MTARC2: variants seen among roughly 807,000 people sequenced by gnomAD.
MTARC2 encodes the protein mitochondrial amidoxime reducing component 2.
In MTARC2, 27 loss-of-function variants were observed where a neutral mutation model predicts 35.6. The ratio of observed to expected loss-of-function variants is 0.76; its 90% CI spans 0.56 to 1.04. The LOEUF is 1.04. MTARC2 is among the 50% of genes least tolerant of loss of function. The pLI is 0.00. For missense variants in MTARC2, 412 were observed against 432.5 expected (o/e 0.95, Z 0.42); for synonymous variants, 158 against 167.1 (o/e 0.95, Z 0.42).
intron 4 of MTARC2, among the ~76,000 whole-genome samples, chr1:220,764,370 G>C (rs1367628904): frequency 6.6e-6 from 1 of 152,178 alleles, no homozygotes; most frequent in African/African-American, 2.4e-5. Flanking sequence ...TTGGATTACA[G>C]GCATGAGCCA....
intron 4 of MTARC2, among the ~76,000 whole-genome samples, chr1:220,777,110 C>T (rs1318694521): frequency 6.6e-6 from 1 of 152,228 alleles, no homozygotes; most frequent in African/African-American, 2.4e-5. Flanking sequence ...ATGGCGATTC[C>T]ATTCCTTACA....
rs762973183 is a variant in MTARC2 at position 220,780,244 on chromosome 1, A to G, written c.884+5A>G. The G allele has an allele frequency of 6.2e-6, 10 of 1,608,990 alleles. No homozygotes were observed. In the Admixed American group the frequency reaches 1.5e-4, roughly 25 times the overall value. On this transcript the variant is annotated splice_donor_5th_base_variant and intron_variant, in intron 6 of 7. Coordinates refer to ENST00000366913, the MANE Select transcript of MTARC2 (RefSeq NM_017898.5). Reference sequence around the variant, plus strand: ...GCCACTGGACACCCTGAAGAGGTAGAATACCACCACAGCCAGTGTATTTTA... The same window carrying G: ...GCCACTGGACACCCTGAAGAGGTAGGATACCACCACAGCCAGTGTATTTTA...
chr1:220,774,268 T>C (rs140109702), intron 4 of MTARC2, among the ~76,000 whole-genome samples: 2 of 152,236 alleles, frequency 1.3e-5, no homozygotes, highest in Non-Finnish European at 2.9e-5. Flanking sequence ...GGTTATATCA[T>C]GTTGTCTAGA....
At chr1:220,754,466 C>A (rs1017397379) in intron 1 of MTARC2, 7 of 455,856 alleles carry the variant, frequency 1.5e-5, no homozygotes, top group African/African-American at 1.2e-4. Context: ...GGCCTGGTTC[C>A]GCTTGGAGGC....
chr1:220,771,464 T>C (rs973189840), intron 4 of MTARC2, among the ~76,000 whole-genome samples: 3 of 152,116 alleles, frequency 2.0e-5, no homozygotes, highest in African/African-American at 7.2e-5. Context: ...CACCAGATAT[T>C]GTGTAATGTG....
intron 6 of MTARC2, among the ~76,000 whole-genome samples, chr1:220,780,632 G>A (rs1405215255): frequency 6.6e-6 from 1 of 151,914 alleles, no homozygotes; most frequent in Non-Finnish European, 1.5e-5. Context: ...GTTATTTTTA[G>A]CAGAGACAGG....
chr1:220,770,652 G>A, intron 4 of MTARC2: 1 of 793,226 alleles, frequency 1.3e-6, no homozygotes, highest in Non-Finnish European at 1.5e-6. Context: ...AAAGTGTGCT[G>A]AAAAGCAGTC....
chr1:220,783,154 T>A (rs1006576436), intron 7 of MTARC2, among the ~76,000 whole-genome samples: 23 of 152,224 alleles, frequency 1.5e-4, no homozygotes, highest in Admixed American at 9.8e-4. Context: ...TATTCTAACA[T>A]CTCTGATATC....
chr1:220,784,130 C>T lies in MTARC2; in HGVS notation c.*243C>T. On this transcript the variant is annotated 3_prime_UTR_variant, in exon 8 of 8. Coordinates refer to ENST00000366913, the MANE Select transcript of MTARC2 (RefSeq NM_017898.5). ...ATATATAAATTTTAGGTACTGAAGG[C>T]TTTAAAAATAATTAAGATCATCAAA... 1 of 486,486 alleles carries T rather than the reference C, an allele frequency of 2.1e-6. No individual in the cohort carries two copies. Among genetic ancestry groups the T allele is most frequent in the South Asian group, 4.3e-5 (1 of 23,058 alleles). 30.1% of individuals were successfully genotyped at this position (486,486 alleles called of 1,614,324 possible).
chr1:220,765,129 T>C (rs1246456550), intron 4 of MTARC2, among the ~76,000 whole-genome samples: 3 of 152,078 alleles, frequency 2.0e-5, no homozygotes, highest in African/African-American at 7.2e-5. Flanking sequence ...AGGGGTCAGG[T>C]CCAGGTCCCC....
At chr1:220,758,551 C>G (rs1671345374) in intron 2 of MTARC2, among the ~76,000 whole-genome samples, 1 of 152,004 alleles carries the variant, frequency 6.6e-6, no homozygotes, top group African/African-American at 2.4e-5. Flanking sequence ...TCCTGAGTAG[C>G]TGGGACTACA....
At chr1:220,755,691 ATGGGT>A (rs1227012587) in intron 2 of MTARC2, among the ~76,000 whole-genome samples, 1 of 152,044 alleles carries the variant, frequency 6.6e-6, no homozygotes, top group Non-Finnish European at 1.5e-5. Flanking sequence ...CAGACTCTGG[ATGGGT>A]TGGTGTTCCT....
At chr1:220,752,280 A>G (rs1054614753) in intron 1 of MTARC2, among the ~76,000 whole-genome samples, 13 of 152,224 alleles carry the variant, frequency 8.5e-5, no homozygotes, top group Non-Finnish European at 1.3e-4. Flanking sequence ...TCCTGTTTGG[A>G]CATGGCTCTG....
intron 1 of MTARC2, among the ~76,000 whole-genome samples, chr1:220,751,821 T>C (rs191148492): frequency 1.1e-4 from 16 of 152,278 alleles, no homozygotes; most frequent in African/African-American, 3.6e-4. Context: ...TAGGTTGGGG[T>C]AACTTGGTTA....
intron 4 of MTARC2, among the ~76,000 whole-genome samples, chr1:220,776,759 C>T (rs895525651): frequency 1.3e-5 from 2 of 152,162 alleles, no homozygotes. Context: ...GAATTGCCAC[C>T]GTTATGTGTC....
chr1:220,748,859 G>GA (rs1572287840), intron 1 of MTARC2, 56 bp downstream of exon 1: 1 of 1,486,102 alleles, frequency 6.7e-7, no homozygotes, highest in African/African-American at 1.4e-5. Flanking sequence ...TGAGGAGCGG[G>GA]GGGGCAGGTG....
At chr1:220,779,824 T>A (rs1458549412) in intron 4 of MTARC2, 194 bp from the exon 5 acceptor site, 2 of 446,018 alleles carry the variant, frequency 4.5e-6, no homozygotes, top group African/African-American at 2.1e-5. Context: ...GTTTTGAGAC[T>A]GGGAGTCAAG....
chr1:220,773,901 T>G (rs1267259043), intron 4 of MTARC2, among the ~76,000 whole-genome samples: 3 of 152,130 alleles, frequency 2.0e-5, no homozygotes, highest in African/African-American at 7.2e-5. Context: ...TTGCTATAAA[T>G]GTATACACAT....
At chr1:220,772,788 T>C (rs185672014) in intron 4 of MTARC2, among the ~76,000 whole-genome samples, 113 of 152,306 alleles carry the variant, frequency 7.4e-4, no homozygotes, top group Middle Eastern at 6.8e-3. Flanking sequence ...CATGGCATGG[T>C]CTTTCTTTAT....
Sources: allele counts gnomAD v4.1 joint callset (sites outside exome capture counted in the v4.1 genomes callset), GRCh38; gene constraint gnomAD v4.1.1; transcripts MANE v1.5; gene names NCBI Gene and HGNC (gene_info 2026-07-23, HGNC 2026-07-21).